The following STK10 variants were observed in gnomAD, a reference collection of about 807,000 sequenced individuals.
The protein encoded by STK10 is serine/threonine kinase 10.
Under a neutral mutation model 113.8 loss-of-function variants are expected in STK10, and 78 were observed. The ratio of observed to expected loss-of-function variants is 0.69; its 90% confidence interval spans 0.57 to 0.83. The LOEUF (loss-of-function observed/expected upper bound fraction) is 0.83, where lower values mean the gene tolerates loss of function less well. Among genes scored for constraint, STK10 ranks in the 40% least tolerant of loss-of-function variants. The pLI is 0.00. For synonymous variants in STK10, 465 were observed against 494.7 expected (o/e 0.94, Z 0.80); for missense variants, 1,109 against 1,280.1 (o/e 0.87, Z 2.04).
rs1326434499 is a variant in STK10 at position 172,118,904 on chromosome 5, A to G, written c.371-1274T>C. ...AAAAAAAAAAAAAAAAAAAGTGTCCACTGAGGAGACCCTCTCTTCGGTGAC... is the reference window on the plus strand; with the variant it reads ...AAAAAAAAAAAAAAAAAAAGTGTCCGCTGAGGAGACCCTCTCTTCGGTGAC... On this transcript the variant is annotated intron_variant, in intron 3 of 18. Transcript: ENST00000176763. 2.0e-5 allele frequency among the ~76,000 whole-genome samples: 3 copies of G among 148,642 alleles called. No individual in the cohort carries two copies. In the South Asian group the frequency reaches 6.3e-4, roughly 31 times the overall value.
At position 172,082,460 on chromosome 5, in the gene STK10, G is replaced by A; in HGVS notation, c.1855C>T (p.Gln619Ter). ...ATCTTCTCCACTTGCTGCTTTTGCTGACGCTCCAGGTTCTCTAATTCCGTG... is the reference window on the plus strand; with the variant it reads ...ATCTTCTCCACTTGCTGCTTTTGCTAACGCTCCAGGTTCTCTAATTCCGTG... ...FDTELENLERQQKQQVEKMEQ... is the reference protein window; with the variant it reads ...FDTELENLER Residue 619 changes from glutamine (Q) to a stop codon, truncating the protein, a stop_gained, in exon 12 of 19, where the codon CAG (glutamine) becomes TAG (stop). Coordinates refer to ENST00000176763, the MANE Select transcript of STK10 (RefSeq NM_005990.4). LOFTEE classifies it high-confidence loss of function. The surrounding 1 kb of genome is among the most constrained non-coding windows in gnomAD (Gnocchi z 4.3). The A allele has an allele frequency of 6.2e-7, 1 of 1,608,904 alleles. No homozygotes were observed. The highest frequency in any genetic ancestry group is 8.5e-7 in the Non-Finnish European group (1 of 1,178,020).
chr5:172,135,325 G>A (rs1036310454), intron 2 of STK10, among the ~76,000 whole-genome samples: 65 of 151,866 alleles, frequency 4.3e-4, no homozygotes, highest in Admixed American at 3.3e-4. Flanking sequence ...CAGCCTGGCC[G>A]ACATAGTGAA....
intron 10 of STK10, among the ~76,000 whole-genome samples, chr5:172,087,117 T>TGTGTGTGA (rs1202679719): frequency 4.3e-5 from 6 of 138,484 alleles, no homozygotes; most frequent in Admixed American, 6.9e-5. Context: ...AGTGTGTGTG[T>TGTGTGTGA]GTGTGTGTGT....
At chr5:172,107,139 G>T in intron 5 of STK10, 1 of 284,370 alleles carries the variant, frequency 3.5e-6, no homozygotes. Flanking sequence ...CGTGGAGGTG[G>T]GTGGGCGAGA....
Position 172,044,852 on chromosome 5 carries a change from C to A in STK10, c.*30G>T, listed in dbSNP as rs763818829. The A allele has an allele frequency of 2.9e-5, 47 of 1,613,908 alleles. No individual in the cohort carries two copies. The highest frequency in any genetic ancestry group is 3.7e-5 in the Non-Finnish European group (44 of 1,180,040). ...TGAAGGAGAAGGCCCTGGGGCCCAC[C>A]AAGCTGCCAGCCACAGCCCCGGGCG... is the stretch of plus-strand genomic sequence containing the variant. On this transcript the variant is annotated 3_prime_UTR_variant, in exon 19 of 19. Transcript: ENST00000176763. The surrounding 1 kb of genome is among the most constrained non-coding windows in gnomAD (Gnocchi z 4.5).
rs1554115578 is a variant in STK10 at position 172,057,004 on chromosome 5, G to GAGAGAGAGAGAAA, written c.2337+344_2337+345insTTTCTCTCTCTCT. The GAGAGAGAGAGAAA allele has an allele frequency of 1.4e-4, 10 of 73,394 alleles. 1 individual carries two copies. The highest frequency in any genetic ancestry group is 5.1e-4 in the African/African-American group (10 of 19,712). 4.5% of individuals were successfully genotyped at this position (73,394 alleles called of 1,614,324 possible). A position where few individuals can be genotyped will look rare whatever the true frequency, so the allele number is the denominator to read the frequency against. ...GAAAGAAAGAAAGAAAGAGAAAGAA[G>GAGAGAGAGAGAAA]GAAAGAAAGAAAGAAAGAAAGAAAG... is the stretch of plus-strand genomic sequence containing the variant. On this transcript the variant is annotated intron_variant, in intron 15 of 18. Coordinates refer to ENST00000176763, the MANE Select transcript of STK10 (RefSeq NM_005990.4).
intron 12 of STK10, among the ~76,000 whole-genome samples, chr5:172,078,653 A>C (rs1768363370): frequency 1.4e-5 from 2 of 148,098 alleles, no homozygotes; most frequent in African/African-American, 2.5e-5. Context: ...AAAAAAAGCC[A>C]AAAGAGCAAA....
Position 172,093,746 on chromosome 5 carries a change from G to C in STK10, c.1220C>G (p.Pro407Arg). The C allele has an allele frequency of 1.2e-6, 2 of 1,612,098 alleles. No individual in the cohort carries two copies. The highest frequency in any genetic ancestry group is 1.1e-5 in the South Asian group (1 of 91,056). The change falls in exon 9 of 19, where the codon CCT becomes CGT. Residue 407 changes from proline to arginine, a missense_variant. By Grantham distance (103) the Pro-to-Arg change is moderately radical. Coordinates refer to ENST00000176763, the MANE Select transcript of STK10 (RefSeq NM_005990.4). This position sits in a 1 kb window ranked among gnomAD's most constrained non-coding sequence, Gnocchi z 4.1. Reference sequence around the variant, plus strand: ...GGGTCGGGACTTCCGCAGGGGCACAGGCACTGCCAGGCCGTTCTCATTTCC... The same window carrying C: ...GGGTCGGGACTTCCGCAGGGGCACACGCACTGCCAGGCCGTTCTCATTTCC... ...APGNENGLAV[P>R]VPLRKSRPVS...
intron 18 of STK10, among the ~76,000 whole-genome samples, chr5:172,046,791 C>T (rs981053834): frequency 3.9e-5 from 6 of 152,312 alleles, no homozygotes; most frequent in African/African-American, 7.2e-5. Context: ...TGTAAATGAA[C>T]GAGCATGGCT....
chr5:172,072,771 C>T (rs1001050840), intron 12 of STK10, among the ~76,000 whole-genome samples: 3 of 151,720 alleles, frequency 2.0e-5, no homozygotes, highest in Non-Finnish European at 4.4e-5. Flanking sequence ...TTGGCTAGCA[C>T]AATAAAGCAA....
At position 172,117,600 on chromosome 5, in the gene STK10, A is replaced by G; in HGVS notation, c.401T>C (p.Ile134Thr). The change falls in exon 4 of 19, where the codon ATA becomes ACA. Residue 134 changes from isoleucine to threonine, a missense_variant. Physicochemically the swap from Ile to Thr is moderately conservative, Grantham distance 89. Coordinates refer to ENST00000176763, the MANE Select transcript of STK10 (RefSeq NM_005990.4). ...ELDRGLTEPQ[I>T]QVVCRQMLEA... ...TAGCATCTGGCGGCAAACCACCTGT[A>G]TCTGGGGCTCCGTGAGGCCTCTGTC... 6.2e-7 allele frequency: 1 copy of G among 1,614,020 alleles called. No homozygotes were observed. The highest frequency in any genetic ancestry group is 1.1e-5 in the South Asian group (1 of 91,072).
chr5:172,140,278 A>G (rs1447252762), intron 2 of STK10, among the ~76,000 whole-genome samples: 1 of 152,226 alleles, frequency 6.6e-6, no homozygotes, highest in African/African-American at 2.4e-5. Flanking sequence ...TATCATCAAG[A>G]AGACAAAAGA....
At chr5:172,143,310 A>C (rs1168458774) in intron 2 of STK10, among the ~76,000 whole-genome samples, 1 of 152,210 alleles carries the variant, frequency 6.6e-6, no homozygotes, top group African/African-American at 2.4e-5. Flanking sequence ...GGCTGCAGTG[A>C]GCCGAGATCG....
rs1581126220 is a variant in STK10 at position 172,044,609 on chromosome 5, A to G, written c.*273T>C. On this transcript the variant is annotated 3_prime_UTR_variant, in exon 19 of 19. Coordinates refer to ENST00000176763, the MANE Select transcript of STK10 (RefSeq NM_005990.4). The surrounding 1 kb of genome is among the most constrained non-coding windows in gnomAD (Gnocchi z 4.5). The stretch of plus-strand genomic sequence containing the variant: ...GGACCCTGACCCCACCAACAGCCCC[A>G]TCCCTTCCAGCTTGAAGGGATCTGG... The G allele has an allele frequency of 2.3e-5, 12 of 526,566 alleles. No individual in the cohort carries two copies. The East Asian group carries it at 4.1e-4, about 18-fold the overall frequency. 32.6% of individuals were successfully genotyped at this position (526,566 alleles called of 1,614,324 possible). A position where few individuals can be genotyped will look rare whatever the true frequency, so the allele number is the denominator to read the frequency against.
At chr5:172,127,256 A>G (rs541661595) in intron 3 of STK10, 117 bp downstream of exon 3, 2 of 1,078,080 alleles carry the variant, frequency 1.9e-6, no homozygotes, top group Admixed American at 2.2e-5. Flanking sequence ...GGCCATGGGA[A>G]CTGATGGAAT....
At chr5:172,051,125 G>A (rs891017350) in intron 18 of STK10, among the ~76,000 whole-genome samples, 3 of 152,120 alleles carry the variant, frequency 2.0e-5, no homozygotes, top group East Asian at 1.9e-4. Flanking sequence ...GCACTTGGAT[G>A]TAACTTTGCT....
At position 172,132,513 on chromosome 5, in the gene STK10, G is replaced by C. The variant is rs565677787; in HGVS notation, c.322-5092C>G. Among the ~76,000 whole-genome samples the C allele has an allele frequency of 6.6e-4, 100 of 152,136 alleles. 1 individual carries two copies. The highest frequency in any genetic ancestry group is 2.4e-3 in the African/African-American group (99 of 41,496). ...GTCCCCTGCTTCCTGGATAAAGGGA[G>C]GCTCCTCAGGATCGGAAAGCTAAAG... On this transcript the variant is annotated intron_variant, in intron 2 of 18. Transcript: ENST00000176763.
chr5:172,049,619 G>A (rs1267130083), intron 18 of STK10, among the ~76,000 whole-genome samples: 1 of 152,118 alleles, frequency 6.6e-6, no homozygotes, highest in South Asian at 2.1e-4. Context: ...TTCTGGGGGT[G>A]GGGGAGGGGC....
In STK10 at chr5:172,093,348, A is replaced by G. The variant is rs1287158793; in HGVS notation, c.1554+64T>C. 7.3e-6 allele frequency: 11 copies of G among 1,508,528 alleles called. No homozygotes were observed. In the African/African-American group the frequency reaches 1.3e-4, roughly 17 times the overall value. 93.4% of individuals were successfully genotyped at this position (1,508,528 alleles called of 1,614,324 possible). ...GCCCCTAAATGCTTTTGAAACCAAA[A>G]TGGAGCCACAGAACATCCTGCAATG... On this transcript the variant is annotated intron_variant, in intron 9 of 18. Transcript: ENST00000176763. The surrounding 1 kb of genome is among the most constrained non-coding windows in gnomAD (Gnocchi z 4.1).
Sources: allele counts gnomAD v4.1 joint callset (sites outside exome capture counted in the v4.1 genomes callset), GRCh38; gene constraint gnomAD v4.1.1; non-coding constraint Gnocchi (gnomAD v3.1); transcripts MANE v1.5; gene names NCBI Gene and HGNC (gene_info 2026-07-23, HGNC 2026-07-21).